The following FANCC variants were observed in gnomAD, a reference collection of about 807,000 sequenced individuals.
FANCC encodes the protein Fanconi anemia group C protein.
Under a neutral mutation model 71.3 loss-of-function variants are expected in FANCC, and 55 were observed. The ratio of observed to expected loss-of-function variants is 0.77; its 90% CI spans 0.62 to 0.97. FANCC has a LOEUF of 0.97. Among genes scored for constraint, FANCC ranks in the 50% least tolerant of loss-of-function variants. FANCC has a pLI of 0.00. For synonymous variants in FANCC, 275 were observed against 244.9 expected (o/e 1.12, Z -1.15); for missense variants, 678 against 670.9 (o/e 1.01, Z -0.12).
Position 95,100,456 on chromosome 9 carries a change from C to T in FANCC, c.*1251G>A, listed in dbSNP as rs765023311. 7.8e-5 allele frequency: 18 copies of T among 231,418 alleles called. No individual in the cohort carries two copies. The highest frequency in any genetic ancestry group is 2.3e-4 in the Admixed American group (4 of 17,714). The allele number at this position is 231,418 out of a possible 1,614,324, so 14.3% of individuals were successfully genotyped here. On this transcript the variant is annotated 3_prime_UTR_variant, in exon 15 of 15. Coordinates refer to ENST00000289081, the MANE Select transcript of FANCC (RefSeq NM_000136.3). ...GCAAAACTTTGCTCATACCTCAAAA[C>T]GGAGCCAAGACTCAGACTAATACAC...
intron 4 of FANCC, among the ~76,000 whole-genome samples, chr9:95,228,215 A>T (rs1829747856): frequency 6.6e-6 from 1 of 152,198 alleles, no homozygotes; most frequent in Non-Finnish European, 1.5e-5. Flanking sequence ...GCCAGGGCGG[A>T]AGCAGGGGCA....
At chr9:95,289,160 C>G (rs754211510) in intron 1 of FANCC, among the ~76,000 whole-genome samples, 1 of 152,088 alleles carries the variant, frequency 6.6e-6, no homozygotes, top group Admixed American at 6.6e-5. Context: ...TATTTTATTA[C>G]TCTGTTTTCT....
In FANCC at chr9:95,139,852, A is replaced by AT. The variant is rs1564685212; in HGVS notation, c.687-4351_687-4350insA. Among the ~76,000 whole-genome samples, 10 of 147,058 alleles carry AT rather than the reference A, an allele frequency of 6.8e-5. No homozygotes were observed. In the East Asian group the frequency reaches 1.6e-3, roughly 23 times the overall value. On this transcript the variant is annotated intron_variant, in intron 7 of 14. Transcript: ENST00000289081. ...TATATATTTATATATATATATATAT[A>AT]AATATATATATTCATTCATTCTGTG...
intron 14 of FANCC, among the ~76,000 whole-genome samples, chr9:95,104,906 C>T (rs1033495878): frequency 6.6e-6 from 1 of 152,116 alleles, no homozygotes; most frequent in Non-Finnish European, 1.5e-5. Context: ...TCTGTGAGTT[C>T]GACTTTTTAG....
chr9:95,278,046 A>AC (rs1307390880), intron 1 of FANCC, among the ~76,000 whole-genome samples: 11 of 152,244 alleles, frequency 7.2e-5, no homozygotes, highest in African/African-American at 2.7e-4. Flanking sequence ...TACACACTGT[A>AC]CTGTTGGGCC....
At chr9:95,254,415 C>T (rs530154796) in intron 1 of FANCC, among the ~76,000 whole-genome samples, 2 of 152,172 alleles carry the variant, frequency 1.3e-5, no homozygotes, top group Non-Finnish European at 2.9e-5. Flanking sequence ...ACAGTGGGAG[C>T]AGCCCACGGA....
chr9:95,233,551 C>G (rs1830133231), intron 4 of FANCC, among the ~76,000 whole-genome samples: 1 of 152,120 alleles, frequency 6.6e-6, no homozygotes, highest in Non-Finnish European at 1.5e-5. Flanking sequence ...ATAGGTTTGG[C>G]ATGTCTGGAG....
chr9:95,223,194 A>G (rs780476361), intron 4 of FANCC, among the ~76,000 whole-genome samples: 7 of 152,214 alleles, frequency 4.6e-5, no homozygotes, highest in Non-Finnish European at 1.0e-4. Context: ...TGAGTGGCTT[A>G]AACCACAGAA....
intron 4 of FANCC, among the ~76,000 whole-genome samples, chr9:95,196,346 G>C (rs1156445861): frequency 6.6e-6 from 1 of 151,922 alleles, no homozygotes; most frequent in Non-Finnish European, 1.5e-5. Context: ...CATTTTTCCT[G>C]CATCAATTGA....
chr9:95,123,508 C>A, intron 10 of FANCC: 1 of 481,366 alleles, frequency 2.1e-6, no homozygotes, highest in South Asian at 1.5e-5. Context: ...TTCCTCCAGT[C>A]CGTGCCTCCA....
chr9:95,237,309 C>G (rs940020605), intron 4 of FANCC, among the ~76,000 whole-genome samples: 57 of 152,186 alleles, frequency 3.7e-4, no homozygotes, highest in African/African-American at 1.2e-3. Context: ...GCTATCACCC[C>G]CTTCATTGCC....
At chr9:95,192,941 G>C (rs931376339) in intron 4 of FANCC, among the ~76,000 whole-genome samples, 1 of 152,154 alleles carries the variant, frequency 6.6e-6, no homozygotes, top group African/African-American at 2.4e-5. Context: ...TCTCTTGTCA[G>C]AAAGTTCCTT....
rs557068150 is a variant in FANCC at position 95,242,065 on chromosome 9, T to C, written c.251-1322A>G. Among the ~76,000 whole-genome samples, 33 of 152,332 alleles carry C rather than the reference T, an allele frequency of 2.2e-4. 1 individual carries two copies. In the South Asian group the frequency reaches 6.6e-3, roughly 31 times the overall value. ...TCCACAAACTAAATAATGCTAACAGTAATTTTTAAACCCATTTTTTTCCCT... is the reference window on the plus strand; with the variant it reads ...TCCACAAACTAAATAATGCTAACAGCAATTTTTAAACCCATTTTTTTCCCT... On this transcript the variant is annotated intron_variant, in intron 3 of 14. Transcript: ENST00000289081.
intron 6 of FANCC, among the ~76,000 whole-genome samples, chr9:95,164,814 T>A (rs1015227718): frequency 5.3e-5 from 8 of 152,268 alleles, no homozygotes; most frequent in African/African-American, 1.9e-4. Flanking sequence ...AGTTTGGAAA[T>A]GTCCCCTCTT....
chr9:95,256,665 A>C (rs1831676206), intron 1 of FANCC, among the ~76,000 whole-genome samples: 1 of 152,254 alleles, frequency 6.6e-6, no homozygotes, highest in Admixed American at 6.5e-5. Context: ...TCACAATGAT[A>C]GGATCAAATT....
intron 6 of FANCC, among the ~76,000 whole-genome samples, chr9:95,152,928 T>C (rs528733365): frequency 5.9e-5 from 9 of 152,276 alleles, no homozygotes; most frequent in African/African-American, 1.4e-4. Flanking sequence ...CCAACGATAG[T>C]TGATGAGCTT....
intron 10 of FANCC, among the ~76,000 whole-genome samples, chr9:95,120,313 T>C (rs2072770145): frequency 6.6e-6 from 1 of 152,232 alleles, no homozygotes; most frequent in Non-Finnish European, 1.5e-5. Flanking sequence ...CAAAAATCAG[T>C]TGGCCACATA....
intron 1 of FANCC, among the ~76,000 whole-genome samples, chr9:95,280,061 A>G (rs1476030324): frequency 6.6e-6 from 1 of 152,138 alleles, no homozygotes; most frequent in Non-Finnish European, 1.5e-5. Context: ...AGAGTGAAAA[A>G]TACAAACAGA....
Position 95,114,638 on chromosome 9 carries a change from TG to T in FANCC, c.1144del (p.Gln382ArgfsTer31), listed in dbSNP as rs1057516313. The T allele has an allele frequency of 1.2e-6, 2 of 1,614,012 alleles. No homozygotes were observed. The highest frequency in any genetic ancestry group is 2.2e-5 in the South Asian group (2 of 91,080). ...GTCAGTGTTTGCTCACCCATGAGTC[TG>T]GTCTTCAACTGCTTCTCTGAGCAGT... is the stretch of plus-strand genomic sequence containing the variant. The part of the protein sequence containing the change: ...SELLREAVED[Q>X]THGSCGGPFE... On this transcript the variant is annotated frameshift_variant, in exon 12 of 15. Coordinates refer to ENST00000289081, the MANE Select transcript of FANCC (RefSeq NM_000136.3). LOFTEE classifies it high-confidence loss of function.
Sources: gnomAD v4.1 joint callset for allele counts (sites outside exome capture counted in the v4.1 genomes callset) on GRCh38, gnomAD v4.1.1 for gene constraint, MANE v1.5 for transcripts, NCBI Gene and HGNC (gene_info 2026-07-23, HGNC 2026-07-21) for gene names.